TRPM6: variants seen among roughly 807,000 people sequenced by gnomAD.
The protein encoded by TRPM6 is channel kinase 2.
A neutral mutation model predicts 247.6 loss-of-function variants in TRPM6; 111 were observed. The observed-to-expected ratio is 0.45, with a 90% CI of 0.38 to 0.52. The LOEUF (loss-of-function observed/expected upper bound fraction) is 0.52, where lower values mean the gene tolerates loss of function less well. Among genes scored for constraint, TRPM6 ranks in the 20% least tolerant of loss-of-function variants. TRPM6 has a pLI of 0.00. For synonymous variants in TRPM6, 892 were observed against 853.8 expected (o/e 1.04, Z -0.78); for missense variants, 2,126 against 2,421.5 (o/e 0.88, Z 2.56).
intron 25 of TRPM6, among the ~76,000 whole-genome samples, chr9:74,764,013 G>A (rs1826742910): frequency 6.6e-6 from 1 of 151,936 alleles, no homozygotes; most frequent in South Asian, 2.1e-4. Flanking sequence ...AGCTGGGCAT[G>A]GTGGCAGGCA....
intron 14 of TRPM6, among the ~76,000 whole-genome samples, chr9:74,804,934 G>A (rs1315816673): frequency 4.6e-5 from 7 of 150,890 alleles, no homozygotes; most frequent in African/African-American, 1.7e-4. Context: ...TTTAAAGAGG[G>A]AGAACTTTTT....
chr9:74,770,233 G>C (rs1252082758), intron 25 of TRPM6, among the ~76,000 whole-genome samples: 1 of 152,048 alleles, frequency 6.6e-6, no homozygotes, highest in African/African-American at 2.4e-5. Flanking sequence ...TTCAGTTTAA[G>C]TAAAGCCATA....
At chr9:74,826,049 C>T (rs1010085793) in intron 7 of TRPM6, among the ~76,000 whole-genome samples, 1 of 152,026 alleles carries the variant, frequency 6.6e-6, no homozygotes, top group African/African-American at 2.4e-5. Context: ...AGAGTCCCTC[C>T]CCTCCTCCTA....
intron 5 of TRPM6, among the ~76,000 whole-genome samples, chr9:74,838,444 C>T (rs1383614123): frequency 6.6e-6 from 1 of 152,182 alleles, no homozygotes; most frequent in African/African-American, 2.4e-5. Context: ...TTTTATTTTA[C>T]TTTGTTTTTT....
At chr9:74,730,089 T>C (rs1050360417) in intron 37 of TRPM6, among the ~76,000 whole-genome samples, 4 of 152,160 alleles carry the variant, frequency 2.6e-5, no homozygotes, top group African/African-American at 9.7e-5. Context: ...GCCTAGAGCC[T>C]TGCAGTCTTA....
intron 1 of TRPM6, among the ~76,000 whole-genome samples, chr9:74,866,528 C>A (rs1054147352): frequency 1.3e-5 from 2 of 152,064 alleles, no homozygotes; most frequent in African/African-American, 4.8e-5. Context: ...GTTGCCCAGG[C>A]TAGAGTGCAA....
At chr9:74,817,035 C>T in intron 9 of TRPM6, 71 bp from the exon 10 acceptor site, 1 of 1,289,218 alleles carries the variant, frequency 7.8e-7, no homozygotes, top group South Asian at 1.2e-5. Flanking sequence ...AGAGTACCCA[C>T]AGAATTCAGA....
In TRPM6 at chr9:74,852,654, A is replaced by C. The variant is rs190202817; in HGVS notation, c.152+2873T>G. On this transcript the variant is annotated intron_variant, in intron 3 of 38. Transcript: ENST00000360774. ...TTGCAGGCGCGCGCCGCCACGCCTG[A>C]CTGGTTTTTGTATTTTTTGGTGGAG... Among the ~76,000 whole-genome samples the C allele has an allele frequency of 3.2e-3, 439 of 136,388 alleles. 3 individuals are homozygous for C. The highest frequency in any genetic ancestry group is 0.013 in the African/African-American group (425 of 33,024). 89.5% of individuals were successfully genotyped at this position (136,388 alleles called of 152,430 possible).
intron 36 of TRPM6, among the ~76,000 whole-genome samples, chr9:74,734,482 A>G (rs1479890376): frequency 1.3e-5 from 2 of 152,110 alleles, no homozygotes; most frequent in African/African-American, 4.8e-5. Flanking sequence ...TAGAGCTTGA[A>G]ATTGGGTGAC....
rs1038212651 is a variant in TRPM6 at position 74,782,553 on chromosome 9, A to T, written c.3095-77T>A. The T allele has an allele frequency of 1.2e-5, 18 of 1,445,224 alleles. No individual in the cohort carries two copies. The African/African-American group carries it at 2.4e-4, about 19-fold the overall frequency. 89.5% of individuals were successfully genotyped at this position (1,445,224 alleles called of 1,614,324 possible). A position where few individuals can be genotyped will look rare whatever the true frequency, so the allele number is the denominator to read the frequency against. On this transcript the variant is annotated intron_variant, in intron 22 of 38. Transcript: ENST00000360774. ...GCCACTCTAGACACACATTTAGCACATTAACTGCACAGAATACCATAAATT... is the reference window on the plus strand; with the variant it reads ...GCCACTCTAGACACACATTTAGCACTTTAACTGCACAGAATACCATAAATT...
chr9:74,745,960 T>G (rs1826030564), intron 31 of TRPM6, among the ~76,000 whole-genome samples: 2 of 152,274 alleles, frequency 1.3e-5, no homozygotes, highest in Admixed American at 1.3e-4. Flanking sequence ...AATGGTATTA[T>G]GGCCAGGCGC....
chr9:74,840,235 A>G lies in TRPM6; in HGVS notation c.333T>C (p.Tyr111=). 6.2e-7 allele frequency: 1 copy of G among 1,603,712 alleles called. No individual in the cohort carries two copies. The highest frequency in any genetic ancestry group is 8.5e-7 in the Non-Finnish European group (1 of 1,170,592). The change falls in exon 5 of 39, where the codon TAT becomes TAC. Residue 111 remains tyrosine (Y), a splice_region_variant and synonymous_variant. Coordinates refer to ENST00000360774, the MANE Select transcript of TRPM6 (RefSeq NM_017662.5). ...GTTTTGTATCATAAGAAGTTCTAAT[A>G]TACTGCAAGAAAAGCACATGTAGGT... ...QDGEHTHHAK[Y]IRTSYDTKLD...
At position 74,762,648 on chromosome 9, in the gene TRPM6, A is replaced by G. The variant is rs760262742; in HGVS notation, c.4023T>C (p.Tyr1341=). The G allele has an allele frequency of 1.2e-6, 2 of 1,614,090 alleles. No individual in the cohort carries two copies. Among genetic ancestry groups the G allele is most frequent in the Non-Finnish European group, 8.5e-7 (1 of 1,180,040 alleles). ...VSPNRQAHSK[Y]GQFLLVPSNL... is the part of the protein sequence containing the mutation. ...TAGAGGGGACCAGAAGAAACTGGCCATACTTTGAGTGTGCTTGCCTGTTAG... is the reference window on the plus strand; with the variant it reads ...TAGAGGGGACCAGAAGAAACTGGCCGTACTTTGAGTGTGCTTGCCTGTTAG... Residue 1341 remains tyrosine (Y), a synonymous_variant, in exon 26 of 39, where the codon TAT becomes TAC. Coordinates refer to ENST00000360774, the MANE Select transcript of TRPM6 (RefSeq NM_017662.5).
At chr9:74,772,917 C>T (rs1455386927) in intron 24 of TRPM6, among the ~76,000 whole-genome samples, 2 of 152,066 alleles carry the variant, frequency 1.3e-5, no homozygotes, top group Non-Finnish European at 2.9e-5. Context: ...TACCGGGGAG[C>T]TTCTTCCTTC....
At chr9:74,856,374 A>G (rs1830520767) in intron 2 of TRPM6, among the ~76,000 whole-genome samples, 1 of 152,064 alleles carries the variant, frequency 6.6e-6, no homozygotes, top group East Asian at 1.9e-4. Context: ...CAGGAGGTCG[A>G]GGCTTCAGTA....
rs921180367 is a variant in TRPM6, at chr9:74,885,088, A to G, written c.33+2736T>C. Among the ~76,000 whole-genome samples the G allele has an allele frequency of 2.6e-5, 4 of 152,378 alleles. No homozygotes were observed. The South Asian group carries it at 6.2e-4, about 24-fold the overall frequency. On this transcript the variant is annotated intron_variant, in intron 1 of 38. Coordinates refer to ENST00000360774, the MANE Select transcript of TRPM6 (RefSeq NM_017662.5). ...TTGAGGGAAGATTTAGACAACTAACAAAGAACTTGTGGTTAAATTGGTGAA... is the reference window on the plus strand; with the variant it reads ...TTGAGGGAAGATTTAGACAACTAACGAAGAACTTGTGGTTAAATTGGTGAA...
chr9:74,735,249 TGGAGA>T (rs1190002477), intron 36 of TRPM6, among the ~76,000 whole-genome samples: 2 of 148,504 alleles, frequency 1.3e-5, no homozygotes, highest in Non-Finnish European at 3.0e-5. Context: ...AAGGAAGAAT[TGGAGA>T]GGAGAGGAGA....
chr9:74,768,375 G>A (rs1826900732), intron 25 of TRPM6, among the ~76,000 whole-genome samples: 1 of 152,172 alleles, frequency 6.6e-6, no homozygotes, highest in African/African-American at 2.4e-5. Context: ...GACTCCTACA[G>A]TTGACTGTCC....
In TRPM6 at chr9:74,800,349, C is replaced by T. The variant is rs1397946496; in HGVS notation, c.2143G>A (p.Gly715Arg). ...STCLKLAVSG[G>R]LRPFVSHTCT... Reference sequence around the variant, plus strand: ...GTATGTGAAACAAAGGGTCGTAATCCTCCCGACACGGCCAGTTTAAGGCAG... The same window carrying T: ...GTATGTGAAACAAAGGGTCGTAATCTTCCCGACACGGCCAGTTTAAGGCAG... Residue 715 changes from glycine to arginine, a missense_variant, in exon 17 of 39, where the codon GGA becomes AGA. By Grantham distance (125) the Gly-to-Arg change is moderately radical. Around this residue, in one of 3 missense-constraint regions of TRPM6, gnomAD observed 1,082 missense variants for 1,307.9 expected, o/e 0.83. Coordinates refer to ENST00000360774, the MANE Select transcript of TRPM6 (RefSeq NM_017662.5). The T allele has an allele frequency of 1.2e-6, 2 of 1,613,892 alleles. No homozygotes were observed. Among genetic ancestry groups the T allele is most frequent in the Admixed American group, 1.7e-5 (1 of 59,980 alleles).
Sources: gnomAD v4.1 joint callset for allele counts (sites outside exome capture counted in the v4.1 genomes callset) on GRCh38, gnomAD v4.1.1 for gene constraint, gnomAD v4.1.1 regional missense constraint, MANE v1.5 for transcripts, NCBI Gene and HGNC (gene_info 2026-07-23, HGNC 2026-07-21) for gene names.